The following CHST15 variants were observed in gnomAD, a reference collection of about 807,000 sequenced individuals.
The protein encoded by CHST15 is carbohydrate sulfotransferase 15, also known as B cell RAG associated protein (GALNAC4S-6ST).
In CHST15, 30 loss-of-function variants were observed where a neutral mutation model predicts 53.6. That is an observed-to-expected ratio of 0.56 (90% CI 0.42 to 0.76). The LOEUF (loss-of-function observed/expected upper bound fraction) is 0.76, where lower values mean the gene tolerates loss of function less well. CHST15 is among the 30% of genes least tolerant of loss of function. The probability of loss-of-function intolerance (pLI) is 0.00; values close to 1 mark genes in which losing one functional copy is unlikely to be tolerated. For synonymous variants in CHST15, 296 were observed against 289.8 expected (o/e 1.02, Z -0.22); for missense variants, 627 against 740.5 (o/e 0.85, Z 1.78).
chr10:124,092,498 G>T (rs1424281080), intron 1 of CHST15: 2 of 152,092 alleles, frequency 1.3e-5, no homozygotes, highest in African/African-American at 2.4e-5. Context: ...GAGGGGGCGG[G>T]GAGCAAAAGT....
rs906301103 is a variant in CHST15, at chr10:124,009,560, C to T, written c.*589G>A. On this transcript the variant is annotated 3_prime_UTR_variant, in exon 8 of 8. Transcript: ENST00000435907. Reference sequence around the variant, plus strand: ...AAAGGAGAAAAAAAAAATGAAGAGCCTCCATTCTCGAAAGACTGCGGTTCT... The same window carrying T: ...AAAGGAGAAAAAAAAAATGAAGAGCTTCCATTCTCGAAAGACTGCGGTTCT... The T allele has an allele frequency of 1.3e-5, 13 of 988,682 alleles. No homozygotes were observed. The African/African-American group carries it at 2.1e-4, about 16-fold the overall frequency. 61.2% of individuals were successfully genotyped at this position (988,682 alleles called of 1,614,324 possible).
At chr10:124,045,121 A>AAAACAAAAAAAAAAAAAAAAAAC (rs1554911427) in intron 2 of CHST15, among the ~76,000 whole-genome samples, 1 of 87,462 alleles carries the variant, frequency 1.1e-5, no homozygotes, top group African/African-American at 8.0e-5. Flanking sequence ...ACAAAAAAAA[A>AAAACAAAAAAAAAAAAAAAAAAC]AAAAAAAAAA....
At chr10:124,026,507 T>C (rs1947017099) in intron 5 of CHST15, among the ~76,000 whole-genome samples, 2 of 152,166 alleles carry the variant, frequency 1.3e-5, no homozygotes, top group African/African-American at 4.8e-5. Flanking sequence ...AGATGAAACG[T>C]ACAGAAACAA....
At chr10:124,053,773 C>A (rs762793737) in intron 1 of CHST15, among the ~76,000 whole-genome samples, 1 of 152,028 alleles carries the variant, frequency 6.6e-6, no homozygotes, top group Non-Finnish European at 1.5e-5. Flanking sequence ...CAAAAATTAG[C>A]TGGGTGTGGT....
chr10:124,061,522 G>A lies in CHST15; in HGVS notation c.-512-14798C>T, dbSNP rs532465819. Among the ~76,000 whole-genome samples, 15 of 152,256 alleles carry A rather than the reference G, an allele frequency of 9.9e-5. No homozygotes were observed. In the East Asian group the frequency reaches 2.3e-3, roughly 24 times the overall value. ...TCTTGGGCACGTCTTTATCAGCAGC[G>A]TGAAAACGGACTAATACACTCCCCA... On this transcript the variant is annotated intron_variant, in intron 1 of 7. Coordinates refer to ENST00000435907, the MANE Select transcript of CHST15 (RefSeq NM_001270764.2).
At chr10:124,067,884 G>A (rs1026677675) in intron 1 of CHST15, among the ~76,000 whole-genome samples, 1 of 152,160 alleles carries the variant, frequency 6.6e-6, no homozygotes, top group Non-Finnish European at 1.5e-5. Flanking sequence ...CAGAGTGCTG[G>A]GATTACAGGC....
At chr10:124,069,438 T>G (rs1015525640) in intron 1 of CHST15, among the ~76,000 whole-genome samples, 1 of 152,034 alleles carries the variant, frequency 6.6e-6, no homozygotes, top group Admixed American at 6.6e-5. Flanking sequence ...AGAGTAACAT[T>G]GCAAGAATCA....
rs183750139 is a variant in CHST15 at position 124,020,507 on chromosome 10, T to C, written c.1347+749A>G. On this transcript the variant is annotated intron_variant, in intron 6 of 7. Transcript: ENST00000435907. ...GTAGTAAGAAAGAGGGGGCAGAGCC[T>C]CTTGGCCTGAAGTCCCACCACCTGG... 274 of 985,522 alleles carry C rather than the reference T, an allele frequency of 2.8e-4. No individual in the cohort carries two copies. In the African/African-American group the frequency reaches 4.3e-3, roughly 16 times the overall value. The allele number at this position is 985,522 out of a possible 1,614,324, so 61.0% of individuals were successfully genotyped here. A position where few individuals can be genotyped will look rare whatever the true frequency, so the allele number is the denominator to read the frequency against.
At chr10:124,084,156 G>A (rs566257782) in intron 1 of CHST15, among the ~76,000 whole-genome samples, 169 of 152,274 alleles carry the variant, frequency 1.1e-3, no homozygotes, top group African/African-American at 3.8e-3. Context: ...TCAGTGGGAC[G>A]GAGGAGGAGC....
chr10:124,086,271 C>T (rs1486594562), intron 1 of CHST15, among the ~76,000 whole-genome samples: 1 of 152,226 alleles, frequency 6.6e-6, no homozygotes, highest in East Asian at 1.9e-4. Context: ...ATGCCATTGA[C>T]CACCCTCCAA....
chr10:124,038,088 T>C (rs965293114), intron 5 of CHST15, among the ~76,000 whole-genome samples: 1 of 151,170 alleles, frequency 6.6e-6, no homozygotes, highest in Non-Finnish European at 1.5e-5. Context: ...GTTCCGTTTA[T>C]TTTTGTTTGT....
chr10:124,063,902 G>C (rs1948670839), intron 1 of CHST15, among the ~76,000 whole-genome samples: 1 of 152,220 alleles, frequency 6.6e-6, no homozygotes, highest in Admixed American at 6.5e-5. Context: ...TACAGCGTAT[G>C]AATCAGACAG....
In CHST15 at chr10:124,042,443, G is replaced by A. The variant is rs142086366; in HGVS notation, c.891C>T (p.Ile297=). ...PHWWTRKRFG[I]VRLRDGLRDR... ...CTCGCAGCCCATCTCTTAGGCGGAC[G>A]ATTCCTATGAGAACCAAGAAGCAGG... The change falls in exon 4 of 8, where the codon ATC becomes ATT. Residue 297 remains isoleucine, a synonymous_variant. Transcript: ENST00000435907. The A allele has an allele frequency of 6.2e-6, 10 of 1,613,664 alleles. No homozygotes were observed. The highest frequency in any genetic ancestry group is 5.5e-5 in the South Asian group (5 of 91,066).
rs776767077 is a variant in CHST15 at position 124,010,304 on chromosome 10, T to TG, written c.1530dup (p.Lys511GlnfsTer36). 6.2e-7 allele frequency: 1 copy of TG among 1,610,296 alleles called. No individual in the cohort carries two copies. The highest frequency in any genetic ancestry group is 8.5e-7 in the Non-Finnish European group (1 of 1,177,544). On this transcript the variant is annotated frameshift_variant, in exon 8 of 8. Transcript: ENST00000435907. LOFTEE classifies it high-confidence loss of function. ...CGCCGTGCATTGGATGCGGGGCTCTTGGTCATCAAAGCCTCCTGCTTCTCA... is the reference window on the plus strand; with the variant it reads ...CGCCGTGCATTGGATGCGGGGCTCTTGGGTCATCAAAGCCTCCTGCTTCTCA...
At chr10:124,066,853 A>T (rs1282767662) in intron 1 of CHST15, among the ~76,000 whole-genome samples, 2 of 152,232 alleles carry the variant, frequency 1.3e-5, no homozygotes, top group African/African-American at 4.8e-5. Context: ...AACCAAGCCC[A>T]ACCCAGCCAC....
At chr10:124,045,173 T>C (rs945138559) in intron 2 of CHST15, among the ~76,000 whole-genome samples, 17 of 128,134 alleles carry the variant, frequency 1.3e-4, no homozygotes, top group Non-Finnish European at 2.8e-4. Flanking sequence ...AAAAGTTTAA[T>C]TAAAATCCAT....
intron 1 of CHST15, among the ~76,000 whole-genome samples, chr10:124,089,247 C>T (rs1949530124): frequency 6.6e-6 from 1 of 152,212 alleles, no homozygotes; most frequent in South Asian, 2.1e-4. Flanking sequence ...AAAGAGAAGT[C>T]CGCTGGCTGA....
intron 1 of CHST15, among the ~76,000 whole-genome samples, chr10:124,066,764 T>C (rs1948761777): frequency 6.6e-6 from 1 of 152,206 alleles, no homozygotes; most frequent in Non-Finnish European, 1.5e-5. Flanking sequence ...TGGGCTGCCA[T>C]GCACCTCCCT....
At chr10:124,084,918 G>A (rs1590374991) in intron 1 of CHST15, among the ~76,000 whole-genome samples, 2 of 152,128 alleles carry the variant, frequency 1.3e-5, no homozygotes, top group South Asian at 2.1e-4. Context: ...GCCCTGAGCC[G>A]CTGCAGCTAC....
Sources: allele counts gnomAD v4.1 joint callset (sites outside exome capture counted in the v4.1 genomes callset), GRCh38; gene constraint gnomAD v4.1.1; transcripts MANE v1.5; gene names NCBI Gene and HGNC (gene_info 2026-07-23, HGNC 2026-07-21).